The following ATF7IP variants were observed in gnomAD, a reference collection of about 807,000 sequenced individuals.
ATF7IP encodes activating transcription factor 7 interacting protein.
In ATF7IP, 23 loss-of-function variants were observed where a neutral mutation model predicts 106.4. The ratio of observed to expected loss-of-function variants is 0.22; its 90% CI spans 0.16 to 0.31. ATF7IP has a LOEUF of 0.31. ATF7IP is among the 10% of genes least tolerant of loss of function. ATF7IP has a pLI of 1.00. For synonymous variants in ATF7IP, 542 were observed against 539.0 expected (o/e 1.01, Z -0.08); for missense variants, 1,334 against 1,524.3 (o/e 0.88, Z 2.08).
At position 14,376,003 on chromosome 12, in the gene ATF7IP, A is replaced by G. The variant is rs1938721664; in HGVS notation, c.-8+10176A>G. Among the ~76,000 whole-genome samples, 3 of 152,340 alleles carry G rather than the reference A, an allele frequency of 2.0e-5. No homozygotes were observed. In the South Asian group the frequency reaches 6.2e-4, roughly 32 times the overall value. ...CATTTAAGAAAGTAGTTTACTTGTA[A>G]AGGTTTGTGATGGAGACCAGTTTTA... On this transcript the variant is annotated intron_variant, in intron 1 of 14. Transcript: ENST00000261168.
At chr12:14,469,141 C>T (rs756389687) in intron 10 of ATF7IP, among the ~76,000 whole-genome samples, 77 of 152,040 alleles carry the variant, frequency 5.1e-4, no homozygotes, top group Non-Finnish European at 9.0e-4. Flanking sequence ...GAGGCCAAGA[C>T]GGGCAGATCA....
chr12:14,367,766 C>T (rs1938367120), intron 1 of ATF7IP, among the ~76,000 whole-genome samples: 1 of 152,024 alleles, frequency 6.6e-6, no homozygotes, highest in East Asian at 1.9e-4. Flanking sequence ...ATTTTGCTGT[C>T]ATGTTTCTTA....
At chr12:14,425,571 A>G in intron 2 of ATF7IP, 98 bp downstream of exon 2, 1 of 1,249,552 alleles carries the variant, frequency 8.0e-7, no homozygotes, top group South Asian at 1.8e-5. Flanking sequence ...TTAGCTGCAG[A>G]GAAAGTTGAG....
At chr12:14,391,796 A>G (rs1209309201) in intron 1 of ATF7IP, among the ~76,000 whole-genome samples, 2 of 152,210 alleles carry the variant, frequency 1.3e-5, no homozygotes, top group Non-Finnish European at 2.9e-5. Context: ...ATCTCAGCTC[A>G]CTTCAACCTC....
chr12:14,391,327 T>C (rs1355272387), intron 1 of ATF7IP, among the ~76,000 whole-genome samples: 1 of 152,202 alleles, frequency 6.6e-6, no homozygotes, highest in Non-Finnish European at 1.5e-5. Flanking sequence ...TGAGGGAATC[T>C]TGTCTTTCCT....
intron 2 of ATF7IP, 59 bp downstream of exon 2, chr12:14,425,532 A>C: frequency 7.0e-7 from 1 of 1,437,326 alleles, no homozygotes; most frequent in African/African-American, 1.4e-5. Context: ...CTGTTTAATA[A>C]AACATTATCA....
chr12:14,473,524 A>G (rs944059280), intron 10 of ATF7IP, among the ~76,000 whole-genome samples: 5 of 151,380 alleles, frequency 3.3e-5, no homozygotes, highest in African/African-American at 1.2e-4. Flanking sequence ...CTCTAAATAT[A>G]TTGTTTTTAA....
chr12:14,408,927 A>G (rs1358762839), intron 1 of ATF7IP, among the ~76,000 whole-genome samples: 4 of 152,114 alleles, frequency 2.6e-5, no homozygotes, highest in Non-Finnish European at 4.4e-5. Flanking sequence ...ATTGTATTCT[A>G]TGTGCTCAAC....
intron 9 of ATF7IP, among the ~76,000 whole-genome samples, chr12:14,465,583 A>G (rs1315528844): frequency 6.6e-6 from 1 of 152,022 alleles, no homozygotes; most frequent in African/African-American, 2.4e-5. Flanking sequence ...AAAGAAGGTA[A>G]TTCAGATAAG....
chr12:14,373,158 A>G (rs932664200), intron 1 of ATF7IP, among the ~76,000 whole-genome samples: 4 of 152,320 alleles, frequency 2.6e-5, no homozygotes, highest in Non-Finnish European at 5.9e-5. Context: ...AGAATGTCAT[A>G]GGAAAAAGCA....
intron 13 of ATF7IP, among the ~76,000 whole-genome samples, chr12:14,487,978 A>T (rs1944681807): frequency 6.6e-6 from 1 of 152,142 alleles, no homozygotes; most frequent in Non-Finnish European, 1.5e-5. Context: ...ATAACTCTCT[A>T]AACAGTTCAT....
At chr12:14,382,911 A>G (rs1168862359) in intron 1 of ATF7IP, among the ~76,000 whole-genome samples, 1 of 152,230 alleles carries the variant, frequency 6.6e-6, no homozygotes, top group Non-Finnish European at 1.5e-5. Context: ...GCAAAGAATT[A>G]TCAGTGATAG....
chr12:14,372,269 T>G (rs927905242), intron 1 of ATF7IP, among the ~76,000 whole-genome samples: 3 of 152,110 alleles, frequency 2.0e-5, no homozygotes, highest in Non-Finnish European at 4.4e-5. Flanking sequence ...TTATAGATGA[T>G]TCAGCTTGCA....
rs183347594 is a variant in ATF7IP, at chr12:14,490,676, C to G, written c.3281-5555C>G. 1.2e-3 allele frequency among the ~76,000 whole-genome samples: 185 copies of G among 152,296 alleles called. 2 individuals are homozygous for G. Among genetic ancestry groups the G allele is most frequent in the African/African-American group, 4.3e-3 (177 of 41,574 alleles). On this transcript the variant is annotated intron_variant, in intron 13 of 14. Transcript: ENST00000261168. Reference sequence around the variant, plus strand: ...TTAATCTTCCACTGTCAAGTGATCACAGGGACTCCCCATGAGGCCATTGGT... The same window carrying G: ...TTAATCTTCCACTGTCAAGTGATCAGAGGGACTCCCCATGAGGCCATTGGT...
At chr12:14,394,598 G>T (rs1939737706) in intron 1 of ATF7IP, among the ~76,000 whole-genome samples, 1 of 152,200 alleles carries the variant, frequency 6.6e-6, no homozygotes, top group Non-Finnish European at 1.5e-5. Flanking sequence ...GCGCCAGCTA[G>T]CTGTAACTGC....
intron 1 of ATF7IP, among the ~76,000 whole-genome samples, chr12:14,411,768 A>C (rs1342902210): frequency 1.3e-5 from 2 of 151,440 alleles, no homozygotes; most frequent in African/African-American, 4.9e-5. Flanking sequence ...CAGCACGAAC[A>C]GTTTTAATTT....
At position 14,499,546 on chromosome 12, in the gene ATF7IP, A is replaced by G. The variant is rs1945108091; in HGVS notation, c.*1473A>G. The G allele has an allele frequency of 6.6e-6, 1 of 152,236 alleles. No homozygotes were observed. The highest frequency in any genetic ancestry group is 2.1e-4 in the South Asian group (1 of 4,838). 9.4% of individuals were successfully genotyped at this position (152,236 alleles called of 1,614,324 possible). A position where few individuals can be genotyped will look rare whatever the true frequency, so the allele number is the denominator to read the frequency against. ...GAATGAGCTAAAATATCAAGGGGAA[A>G]GCTTCATTTCCTCTTTATTCTCTTT... is the stretch of plus-strand genomic sequence containing the variant. On this transcript the variant is annotated 3_prime_UTR_variant, in exon 15 of 15. Transcript: ENST00000261168.
At chr12:14,485,240 G>A (rs993973377) in intron 13 of ATF7IP, among the ~76,000 whole-genome samples, 2 of 151,940 alleles carry the variant, frequency 1.3e-5, no homozygotes, top group South Asian at 2.1e-4. Context: ...CAGGTCACTC[G>A]ATAAATGGGC....
intron 13 of ATF7IP, among the ~76,000 whole-genome samples, chr12:14,493,476 C>G (rs773064853): frequency 1.4e-4 from 22 of 152,188 alleles, no homozygotes; most frequent in African/African-American, 4.1e-4. Context: ...AGCCATCACT[C>G]TTGCCTCACA....
Sources: allele counts gnomAD v4.1 joint callset (sites outside exome capture counted in the v4.1 genomes callset), GRCh38; gene constraint gnomAD v4.1.1; transcripts MANE v1.5; gene names NCBI Gene and HGNC (gene_info 2026-07-23, HGNC 2026-07-21).